The following NALF1 variants were observed in gnomAD, a reference collection of about 807,000 sequenced individuals.
The protein encoded by NALF1 is NALCN channel auxiliary factor 1, also known as family with sequence similarity 155 member A.
A neutral mutation model predicts 48.4 loss-of-function variants in NALF1; 3 were observed. That is an observed-to-expected ratio of 0.06 (90% CI 0.03 to 0.16). The LOEUF (loss-of-function observed/expected upper bound fraction) is 0.16, where lower values mean the gene tolerates loss of function less well. Ranked by LOEUF, NALF1 falls within the 10% of genes least tolerant of loss-of-function variation. The pLI, the probability that NALF1 is intolerant of heterozygous loss-of-function variation, is 1.00. For missense variants in NALF1, 526 were observed against 571.5 expected (o/e 0.92, Z 0.81); for synonymous variants, 262 against 245.7 (o/e 1.07, Z -0.62).
Position 107,434,963 on chromosome 13 carries a change from C to G in NALF1, c.916-224208G>C, listed in dbSNP as rs528906234. Among the ~76,000 whole-genome samples, 10 of 152,280 alleles carry G rather than the reference C, an allele frequency of 6.6e-5. 1 individual carries two copies. Among genetic ancestry groups the G allele is most frequent in the African/African-American group, 2.2e-4 (9 of 41,566 alleles). On this transcript the variant is annotated intron_variant, in intron 1 of 2. Coordinates refer to ENST00000375915, the MANE Select transcript of NALF1 (RefSeq NM_001080396.3). The stretch of plus-strand genomic sequence containing the variant: ...TCTGTGACATCGATCTTCTCAACTT[C>G]ATTGGCCTCAAAATGGTCATATTCA...
intron 1 of NALF1, among the ~76,000 whole-genome samples, chr13:107,679,544 A>G (rs1216010251): frequency 2.6e-5 from 4 of 152,218 alleles, no homozygotes; most frequent in African/African-American, 9.6e-5. Flanking sequence ...TGTAACTCCA[A>G]TTCCTCTGAG....
At chr13:107,316,956 G>A (rs1882161865) in intron 1 of NALF1, among the ~76,000 whole-genome samples, 1 of 151,986 alleles carries the variant, frequency 6.6e-6, no homozygotes, top group African/African-American at 2.4e-5. Flanking sequence ...GCAATACATG[G>A]GAAGTACTGA....
chr13:107,432,451 T>C (rs1884398074), intron 1 of NALF1, among the ~76,000 whole-genome samples: 2 of 152,132 alleles, frequency 1.3e-5, no homozygotes, highest in Admixed American at 1.3e-4. Context: ...TCTGGAAGCT[T>C]TAAAATAGTA....
chr13:107,532,824 T>TAATAA (rs1228127316), intron 1 of NALF1, among the ~76,000 whole-genome samples: 1 of 151,896 alleles, frequency 6.6e-6, no homozygotes, highest in African/African-American at 2.4e-5. Context: ...TTCAGGAATA[T>TAATAA]AATTTTGTGC....
At chr13:107,369,770 A>G (rs1247658120) in intron 1 of NALF1, among the ~76,000 whole-genome samples, 1 of 152,140 alleles carries the variant, frequency 6.6e-6, no homozygotes, top group Non-Finnish European at 1.5e-5. Context: ...TTATGAAAAT[A>G]ATTTATTCTT....
At chr13:107,854,575 A>T (rs1880395964) in intron 1 of NALF1, among the ~76,000 whole-genome samples, 1 of 152,180 alleles carries the variant, frequency 6.6e-6, no homozygotes, top group Non-Finnish European at 1.5e-5. Context: ...ATGCCTTTTT[A>T]AAAAGACCTA....
intron 1 of NALF1, among the ~76,000 whole-genome samples, chr13:107,742,929 T>G (rs1174317853): frequency 6.6e-6 from 1 of 152,226 alleles, no homozygotes; most frequent in Non-Finnish European, 1.5e-5. Flanking sequence ...CCTCAAGTCT[T>G]TGGCCTGGAG....
chr13:107,480,948 TA>T, intron 1 of NALF1, among the ~76,000 whole-genome samples: 1 of 152,074 alleles, frequency 6.6e-6, no homozygotes, highest in African/African-American at 2.4e-5. Context: ...CTAAAATCTT[TA>T]AAAATATTCC....
At chr13:107,621,983 T>C (rs970047497) in intron 1 of NALF1, among the ~76,000 whole-genome samples, 8 of 137,304 alleles carry the variant, frequency 5.8e-5, no homozygotes, top group African/African-American at 1.5e-4. Context: ...ATCTGGAATA[T>C]GCCCACAAAG....
intron 1 of NALF1, among the ~76,000 whole-genome samples, chr13:107,522,168 CA>C (rs1346783544): frequency 6.6e-6 from 1 of 152,050 alleles, no homozygotes; most frequent in African/African-American, 2.4e-5. Context: ...ATCTGTTGAC[CA>C]CAAAGAAAAA....
rs117181557 is a variant in NALF1, at chr13:107,279,837, G to A, written c.916-69082C>T. 5.0e-3 allele frequency among the ~76,000 whole-genome samples: 761 copies of A among 152,128 alleles called. 4 individuals carry two copies. The highest frequency in any genetic ancestry group is 0.02 in the Middle Eastern group (6 of 294). ...TTTCCACCTGCTAAATAATATCTTG[G>A]AATCAACTCCCACAATTTAATGGAA... is the stretch of plus-strand genomic sequence containing the variant. On this transcript the variant is annotated intron_variant, in intron 1 of 2. Coordinates refer to ENST00000375915, the MANE Select transcript of NALF1 (RefSeq NM_001080396.3).
intron 1 of NALF1, among the ~76,000 whole-genome samples, chr13:107,232,038 C>G (rs576635253): frequency 4.7e-4 from 72 of 152,298 alleles, no homozygotes; most frequent in African/African-American, 1.6e-3. Flanking sequence ...AATAAGCAAG[C>G]CTTGATCAAG....
intron 1 of NALF1, among the ~76,000 whole-genome samples, chr13:107,248,671 T>C (rs1021231588): frequency 7.3e-4 from 110 of 151,072 alleles, no homozygotes; most frequent in African/African-American, 2.5e-3. Context: ...TTTCAAATTT[T>C]TGATAGCCAC....
intron 1 of NALF1, among the ~76,000 whole-genome samples, chr13:107,752,453 T>C (rs1011859906): frequency 6.6e-6 from 1 of 152,140 alleles, no homozygotes; most frequent in African/African-American, 2.4e-5. Context: ...TCACCACCCA[T>C]GATATTCATT....
chr13:107,408,984 A>G (rs1471393613), intron 1 of NALF1, among the ~76,000 whole-genome samples: 1 of 152,180 alleles, frequency 6.6e-6, no homozygotes, highest in East Asian at 1.9e-4. Flanking sequence ...AAATAGCAAA[A>G]TAAATTTGAA....
intron 1 of NALF1, among the ~76,000 whole-genome samples, chr13:107,750,544 A>G (rs372480337): frequency 1.4e-4 from 21 of 152,086 alleles, no homozygotes; most frequent in African/African-American, 4.6e-4. Context: ...AAAAGAAAAA[A>G]TAGAAAAATT....
intron 1 of NALF1, among the ~76,000 whole-genome samples, chr13:107,359,466 C>CA (rs1883022992): frequency 6.6e-6 from 1 of 151,966 alleles, no homozygotes; most frequent in African/African-American, 2.4e-5. Flanking sequence ...CTATAAAAGA[C>CA]AAAAACTGAA....
chr13:107,475,401 G>A (rs1353124144), intron 1 of NALF1, among the ~76,000 whole-genome samples: 1 of 152,086 alleles, frequency 6.6e-6, no homozygotes, highest in Non-Finnish European at 1.5e-5. Flanking sequence ...TACTACTCTT[G>A]AAATCAGCTG....
intron 1 of NALF1, among the ~76,000 whole-genome samples, chr13:107,234,540 T>C (rs1216443051): frequency 6.6e-6 from 1 of 152,036 alleles, no homozygotes; most frequent in Non-Finnish European, 1.5e-5. Context: ...CAGCACTGCC[T>C]GTCAGCCGGC....
Sources: allele counts gnomAD v4.1 joint callset (sites outside exome capture counted in the v4.1 genomes callset), GRCh38; gene constraint gnomAD v4.1.1; transcripts MANE v1.5; gene names NCBI Gene and HGNC (gene_info 2026-07-23, HGNC 2026-07-21).